Variants in CORO7 observed in about 807,000 individuals in gnomAD.
CORO7 encodes coronin 7, also known as coronin-7.
Under a neutral mutation model 126.6 loss-of-function variants are expected in CORO7, and 107 were observed. The ratio of observed to expected loss-of-function variants is 0.85; its 90% confidence interval spans 0.72 to 0.99. The LOEUF is 0.99. CORO7 is among the 50% of genes least tolerant of loss of function. The pLI is 0.00. For missense variants in CORO7, 1,314 were observed against 1,255.8 expected, an observed-to-expected ratio of 1.05 and a Z score of -0.70; for synonymous variants, 603 against 536.8, an observed-to-expected ratio of 1.12 and a Z score of -1.70.
At chr16:4,371,660 C>G (rs896057957) in intron 9 of CORO7, among the ~76,000 whole-genome samples, 1 of 152,244 alleles carries the variant, frequency 6.6e-6, no homozygotes. Context: ...CCACGACGGG[C>G]AAGGTCTCCC....
At chr16:4,398,169 C>T (rs916222460) in intron 6 of CORO7, among the ~76,000 whole-genome samples, 10 of 152,102 alleles carry the variant, frequency 6.6e-5, no homozygotes, top group Non-Finnish European at 1.3e-4. Flanking sequence ...ATCCTTCTGC[C>T]TCAGCCTCCC....
chr16:4,358,362 C>T lies in CORO7; in HGVS notation c.2457+5G>A. 2 of 1,612,122 alleles carry T rather than the reference C, an allele frequency of 1.2e-6. No homozygotes were observed. Among genetic ancestry groups the T allele is most frequent in the Non-Finnish European group, 1.7e-6 (2 of 1,179,552 alleles). On this transcript the variant is annotated splice_donor_5th_base_variant and intron_variant, in intron 24 of 27. Coordinates refer to ENST00000251166, the MANE Select transcript of CORO7 (RefSeq NM_024535.5). ...GGCATGGGAGTCCCAGGTCCCCACC[C>T]TCACCCGGACTCGGGGCAGCCGGAA...
intron 8 of CORO7, among the ~76,000 whole-genome samples, chr16:4,388,337 A>G (rs2055267336): frequency 6.6e-6 from 1 of 152,198 alleles, no homozygotes; most frequent in African/African-American, 2.4e-5. Context: ...TCCTGGGGTC[A>G]GGCTGAGCTA....
At chr16:4,392,287 G>A (rs1021303150) in intron 7 of CORO7, among the ~76,000 whole-genome samples, 2 of 152,130 alleles carry the variant, frequency 1.3e-5, no homozygotes, top group African/African-American at 2.4e-5. Context: ...TGGGGGTTCT[G>A]CATCCAGAGG....
chr16:4,365,767 A>G (rs1319322307), intron 9 of CORO7, among the ~76,000 whole-genome samples: 1 of 151,842 alleles, frequency 6.6e-6, no homozygotes, highest in Non-Finnish European at 1.5e-5. Flanking sequence ...CTCCACCTGC[A>G]CACCTGCGTC....
At chr16:4,375,367 G>A (rs987218011) in intron 9 of CORO7, among the ~76,000 whole-genome samples, 3 of 152,236 alleles carry the variant, frequency 2.0e-5, no homozygotes, top group African/African-American at 4.8e-5. Context: ...ACAGGAAGAC[G>A]AGCTGACATC....
At chr16:4,368,973 T>C (rs1417093031) in intron 9 of CORO7, among the ~76,000 whole-genome samples, 1 of 151,828 alleles carries the variant, frequency 6.6e-6, no homozygotes, top group Non-Finnish European at 1.5e-5. Context: ...TTATGAGAGG[T>C]GGGAAACAGG....
chr16:4,403,436 C>T (rs114170216), intron 6 of CORO7, among the ~76,000 whole-genome samples: 1 of 152,126 alleles, frequency 6.6e-6, no homozygotes, highest in Non-Finnish European at 1.5e-5. Flanking sequence ...GCTGCGTCCC[C>T]GCAGGCGGAA....
intron 9 of CORO7, chr16:4,382,914 G>C (rs868070989): frequency 6.7e-7 from 1 of 1,482,238 alleles, no homozygotes; most frequent in Non-Finnish European, 9.0e-7. Flanking sequence ...GAGAGAGACA[G>C]GGCAGCTGGG....
chr16:4,393,925 C>A (rs772227468), intron 7 of CORO7, among the ~76,000 whole-genome samples: 24 of 152,068 alleles, frequency 1.6e-4, no homozygotes, highest in Admixed American at 3.3e-4. Flanking sequence ...ATGGTGAAAC[C>A]CCGTCTCCAC....
At chr16:4,407,430 T>C (rs1219617501) in intron 5 of CORO7, 71 bp downstream of exon 5, 8 of 1,506,074 alleles carry the variant, frequency 5.3e-6, no homozygotes, top group Non-Finnish European at 7.1e-6. Flanking sequence ...TGACTAAACA[T>C]GCCAACAAAG....
intron 25 of CORO7, 105 bp from the exon 26 acceptor site, chr16:4,357,364 T>C (rs1255849822): frequency 1.6e-6 from 2 of 1,278,664 alleles, no homozygotes; most frequent in African/African-American, 3.1e-5. Context: ...TCTTTTTTTT[T>C]TTTTTTTTTT....
chr16:4,364,910 A>G lies in CORO7; in HGVS notation c.909T>C (p.Cys303=), dbSNP rs755322938. ...CCCCACGCAGCACGCTCTCCAGGAC[A>G]CACTGGGTCACTGTTGAGGACACCA... The part of the protein sequence containing the change: ...QQPALSPVTQ[C]VLESVLRGAA... The change falls in exon 12 of 28, where the codon TGT becomes TGC. Residue 303 remains cysteine, a synonymous_variant. Coordinates refer to ENST00000251166, the MANE Select transcript of CORO7 (RefSeq NM_024535.5). 4.3e-6 allele frequency: 7 copies of G among 1,610,416 alleles called. No individual in the cohort carries two copies. The highest frequency in any genetic ancestry group is 1.1e-5 in the South Asian group (1 of 90,602).
intron 9 of CORO7, among the ~76,000 whole-genome samples, chr16:4,374,202 T>G (rs1596295639): frequency 7.6e-5 from 10 of 132,052 alleles, no homozygotes; most frequent in South Asian, 5.1e-4. Flanking sequence ...TGGGTGGGGG[T>G]GTTTGGGGGA....
At chr16:4,375,352 C>A (rs1042770252) in intron 9 of CORO7, among the ~76,000 whole-genome samples, 1 of 152,236 alleles carries the variant, frequency 6.6e-6, no homozygotes, top group African/African-American at 2.4e-5. Flanking sequence ...GAGCCTCCTC[C>A]CTGCACAGGA....
intron 2 of CORO7, 58 bp downstream of exon 2, chr16:4,413,250 C>T (rs1039421464): frequency 6.6e-7 from 1 of 1,512,084 alleles, no homozygotes; most frequent in African/African-American, 1.4e-5. Context: ...CCCACCCCAT[C>T]TATGGTGACG....
chr16:4,380,249 C>T (rs1400774154), intron 9 of CORO7, among the ~76,000 whole-genome samples: 2 of 152,206 alleles, frequency 1.3e-5, no homozygotes, highest in Admixed American at 6.5e-5. Context: ...TGGCCTCTGC[C>T]CCTCCTCCAG....
Position 4,357,354 on chromosome 16 carries a change from T to TC in CORO7, c.2594-96dup. 5.1e-6 allele frequency: 5 copies of TC among 978,028 alleles called. No individual in the cohort carries two copies. In the South Asian group the frequency reaches 9.1e-5, roughly 18 times the overall value. The allele number at this position is 978,028 out of a possible 1,614,324, so 60.6% of individuals were successfully genotyped here. A position where few individuals can be genotyped will look rare whatever the true frequency, so the allele number is the denominator to read the frequency against. On this transcript the variant is annotated intron_variant, in intron 25 of 27. Transcript: ENST00000251166. ...GATTTCTTTCTTTCTTTTCTTTCTTTCTTTTTTTTTTTTTTTTTTTGAGAT... is the reference window on the plus strand; with the variant it reads ...GATTTCTTTCTTTCTTTTCTTTCTTTCCTTTTTTTTTTTTTTTTTTTGAGAT...
In CORO7 at chr16:4,360,466, CG is replaced by C. The variant is rs752628594; in HGVS notation, c.1999del (p.Arg667GlyfsTer81). 42 of 1,612,348 alleles carry C rather than the reference CG, an allele frequency of 2.6e-5. No individual in the cohort carries two copies. The highest frequency in any genetic ancestry group is 3.6e-5 in the Non-Finnish European group (42 of 1,179,722). On this transcript the variant is annotated frameshift_variant, in exon 20 of 28. Coordinates refer to ENST00000251166, the MANE Select transcript of CORO7 (RefSeq NM_024535.5). LOFTEE classifies it high-confidence loss of function. ...CACCTGCAGGGGCTCAGGGCCACTCCGGGGCCTGTAGACCCGCACACGCCCA... is the reference window on the plus strand; with the variant it reads ...CACCTGCAGGGGCTCAGGGCCACTCCGGGCCTGTAGACCCGCACACGCCCA... ...KDGRVRVYRP[R>X]SGPEPLQEGP...
Sources: gnomAD v4.1 joint callset for allele counts (sites outside exome capture counted in the v4.1 genomes callset) on GRCh38, gnomAD v4.1.1 for gene constraint, MANE v1.5 for transcripts, NCBI Gene and HGNC (gene_info 2026-07-23, HGNC 2026-07-21) for gene names.